Variants in DOCK3 observed in about 807,000 individuals in gnomAD.
DOCK3 encodes the protein dedicator of cytokinesis 3, also known as dedicator of cytokinesis protein 3.
In DOCK3, 60 loss-of-function variants were observed where a neutral mutation model predicts 265.6. That is an observed-to-expected ratio of 0.23 (90% confidence interval 0.18 to 0.28). DOCK3 has a LOEUF of 0.28. Ranked by LOEUF, DOCK3 falls within the 10% of genes least tolerant of loss-of-function variation. The probability of loss-of-function intolerance (pLI) is 1.00; values close to 1 mark genes in which losing one functional copy is unlikely to be tolerated. For missense variants in DOCK3, 1,981 were observed against 2,594.3 expected (o/e 0.76, Z 5.14); for synonymous variants, 881 against 938.0 (o/e 0.94, Z 1.11).
At chr3:51,284,220 T>C (rs1428431648) in intron 27 of DOCK3, among the ~76,000 whole-genome samples, 1 of 152,122 alleles carries the variant, frequency 6.6e-6, no homozygotes, top group Non-Finnish European at 1.5e-5. Flanking sequence ...AGAAGCTGCA[T>C]ATATATGAGT....
At chr3:51,218,308 C>T (rs1278826119) in intron 14 of DOCK3, among the ~76,000 whole-genome samples, 2 of 152,064 alleles carry the variant, frequency 1.3e-5, no homozygotes, top group Non-Finnish European at 2.9e-5. Context: ...GTGGCGTTCA[C>T]CTGTAGTCTC....
intron 1 of DOCK3, among the ~76,000 whole-genome samples, chr3:50,696,758 A>C (rs2035649632): frequency 1.3e-5 from 2 of 152,010 alleles, no homozygotes; most frequent in Non-Finnish European, 2.9e-5. Context: ...GCACAAGTAA[A>C]ATTTTACTAG....
intron 5 of DOCK3, among the ~76,000 whole-genome samples, chr3:51,058,308 A>G (rs985174430): frequency 6.6e-6 from 1 of 152,196 alleles, no homozygotes; most frequent in African/African-American, 2.4e-5. Context: ...AATAGATTCC[A>G]TGTCATGCTG....
intron 5 of DOCK3, among the ~76,000 whole-genome samples, chr3:51,007,333 G>A (rs1467425665): frequency 2.0e-5 from 3 of 152,192 alleles, no homozygotes; most frequent in Non-Finnish European, 4.4e-5. Flanking sequence ...GTGTGAGATT[G>A]TATCTCATTG....
chr3:51,364,958 C>T (rs2087027844), intron 49 of DOCK3, among the ~76,000 whole-genome samples: 1 of 152,180 alleles, frequency 6.6e-6, no homozygotes, highest in East Asian at 1.9e-4. Flanking sequence ...ATTGTCTTGG[C>T]AATGCAGGCT....
At chr3:51,202,800 C>A (rs1307529922) in intron 12 of DOCK3, among the ~76,000 whole-genome samples, 5 of 151,410 alleles carry the variant, frequency 3.3e-5, no homozygotes, top group African/African-American at 1.2e-4. Context: ...TCCAGCAGCA[C>A]ATCAAAAAGC....
At chr3:50,701,015 T>C (rs988969867) in intron 1 of DOCK3, among the ~76,000 whole-genome samples, 5 of 152,176 alleles carry the variant, frequency 3.3e-5, no homozygotes, top group African/African-American at 9.6e-5. Flanking sequence ...TAGCTAGTGG[T>C]TTTGATTTGC....
intron 3 of DOCK3, among the ~76,000 whole-genome samples, chr3:50,855,988 C>T (rs773182270): frequency 2.0e-4 from 31 of 152,196 alleles, no homozygotes; most frequent in Non-Finnish European, 3.7e-4. Context: ...CTTCCAACTC[C>T]ATCCATGCCC....
intron 2 of DOCK3, among the ~76,000 whole-genome samples, chr3:50,824,742 A>G (rs2044657518): frequency 6.6e-6 from 1 of 152,198 alleles, no homozygotes; most frequent in Non-Finnish European, 1.5e-5. Context: ...ATCCTCTGCA[A>G]CATAGCTATT....
intron 32 of DOCK3, among the ~76,000 whole-genome samples, chr3:51,325,567 T>C (rs1010787190): frequency 6.6e-6 from 1 of 152,328 alleles, no homozygotes; most frequent in South Asian, 2.1e-4. Context: ...ACTGGCTATA[T>C]ACCCAAAGGA....
At chr3:50,888,020 C>T (rs532035414) in intron 3 of DOCK3, among the ~76,000 whole-genome samples, 7 of 152,178 alleles carry the variant, frequency 4.6e-5, no homozygotes, top group African/African-American at 1.7e-4. Context: ...GGCAATTCGG[C>T]AGGAGAAAGA....
At chr3:50,981,612 A>G (rs1407201360) in intron 5 of DOCK3, among the ~76,000 whole-genome samples, 1 of 152,160 alleles carries the variant, frequency 6.6e-6, no homozygotes, top group Non-Finnish European at 1.5e-5. Context: ...TGCTTTATAC[A>G]TCTGAGTGAT....
intron 9 of DOCK3, among the ~76,000 whole-genome samples, chr3:51,091,824 A>T (rs1005042954): frequency 2.0e-5 from 3 of 152,046 alleles, no homozygotes; most frequent in Admixed American, 2.0e-4. Context: ...TCTCACTGGG[A>T]CTGGTTGGAC....
intron 5 of DOCK3, among the ~76,000 whole-genome samples, chr3:50,978,688 T>A (rs1358977469): frequency 2.6e-5 from 4 of 152,170 alleles, no homozygotes; most frequent in Non-Finnish European, 4.4e-5. Context: ...TGGAGCTTCT[T>A]GGCTGCTTTG....
intron 1 of DOCK3, among the ~76,000 whole-genome samples, chr3:50,684,354 A>T (rs1485118682): frequency 2.6e-5 from 4 of 152,230 alleles, no homozygotes; most frequent in Admixed American, 6.5e-5. Context: ...CTTAATTAAG[A>T]TTCCAACCTA....
chr3:51,238,491 T>C (rs1224929483), intron 21 of DOCK3, among the ~76,000 whole-genome samples: 2 of 152,140 alleles, frequency 1.3e-5, no homozygotes, highest in Non-Finnish European at 2.9e-5. Flanking sequence ...GGGGTACATG[T>C]GCAGGTTTGT....
chr3:50,998,978 T>C (rs1432639048), intron 5 of DOCK3, among the ~76,000 whole-genome samples: 2 of 152,234 alleles, frequency 1.3e-5, no homozygotes, highest in African/African-American at 4.8e-5. Context: ...ACTTAAGTAA[T>C]GTTCTTCTAA....
At position 51,032,249 on chromosome 3, in the gene DOCK3, G is replaced by A. The variant is rs139699660; in HGVS notation, c.316-32199G>A. Among the ~76,000 whole-genome samples, 709 of 151,862 alleles carry A rather than the reference G, an allele frequency of 4.7e-3. 5 individuals carry two copies. Among genetic ancestry groups the A allele is most frequent in the Middle Eastern group, 0.014 (4 of 294 alleles). ...GGTAGCTGGCATCCCAAACTAGTTC[G>A]CAATCTTGATAAAACAGAAAATTGC... On this transcript the variant is annotated intron_variant, in intron 5 of 52. Coordinates refer to ENST00000266037, the MANE Select transcript of DOCK3 (RefSeq NM_004947.5).
intron 12 of DOCK3, among the ~76,000 whole-genome samples, chr3:51,183,965 A>G (rs1033744927): frequency 4.6e-5 from 7 of 152,182 alleles, no homozygotes; most frequent in African/African-American, 1.7e-4. Context: ...TCCAATTGCA[A>G]TGACCATACC....
Sources: gnomAD v4.1 joint callset for allele counts (sites outside exome capture counted in the v4.1 genomes callset) on GRCh38, gnomAD v4.1.1 for gene constraint, MANE v1.5 for transcripts, NCBI Gene and HGNC (gene_info 2026-07-23, HGNC 2026-07-21) for gene names.